UACA: variants seen among roughly 807,000 people sequenced by gnomAD.
The protein encoded by UACA is nuclear membrane binding protein.
UACA carries 112 observed loss-of-function variants against 160.5 expected under a neutral mutation model. The observed-to-expected ratio is 0.70, with a 90% CI of 0.60 to 0.82. The LOEUF is 0.82. UACA is among the 40% of genes least tolerant of loss of function. The pLI, the probability that UACA is intolerant of heterozygous loss-of-function variation, is 0.00. For synonymous variants in UACA, 557 were observed against 568.4 expected (o/e 0.98, Z 0.29); for missense variants, 1,574 against 1,614.6 (o/e 0.97, Z 0.43).
chr15:70,666,586 G>C, intron 16 of UACA, 138 bp downstream of exon 16: 2 of 675,066 alleles, frequency 3.0e-6, no homozygotes, highest in East Asian at 6.5e-5. Flanking sequence ...TTTCAATTCG[G>C]AATTTTTGCA....
intron 1 of UACA, among the ~76,000 whole-genome samples, chr15:70,747,241 G>GTTTTTTTTTTTTTTT (rs549683234): frequency 2.5e-5 from 3 of 119,256 alleles, no homozygotes; most frequent in African/African-American, 3.3e-5. Context: ...TGTTTTTTGG[G>GTTTTTTTTTTTTTTT]TTTTTTTTTT....
In UACA at chr15:70,687,657, G is replaced by C; in HGVS notation, c.496-11C>G. ...TGGTGTCCGCCCGTCCTAAGCAACA[G>C]GAAAAATAAAACAGCATTAAGACAA... is the stretch of plus-strand genomic sequence containing the variant. On this transcript the variant is annotated splice_polypyrimidine_tract_variant and intron_variant, in intron 6 of 18. Coordinates refer to ENST00000322954, the MANE Select transcript of UACA (RefSeq NM_018003.4). 2 of 1,613,588 alleles carry C rather than the reference G, an allele frequency of 1.2e-6. No individual in the cohort carries two copies. Among genetic ancestry groups the C allele is most frequent in the Non-Finnish European group, 1.7e-6 (2 of 1,179,718 alleles).
Position 70,667,538 on chromosome 15 carries a change from A to T in UACA, c.3146T>A (p.Val1049Asp), listed in dbSNP as rs1462217381. 1.9e-6 allele frequency: 3 copies of T among 1,612,976 alleles called. No individual in the cohort carries two copies. Among genetic ancestry groups the T allele is most frequent in the Non-Finnish European group, 8.5e-7 (1 of 1,179,960 alleles). The change falls in exon 16 of 19, where the codon GTT (valine) becomes GAT (aspartate). Residue 1049 changes from valine (V) to aspartate (D), a missense_variant. Coordinates refer to ENST00000322954, the MANE Select transcript of UACA (RefSeq NM_018003.4). Reference sequence around the variant, plus strand: ...CATTTCATGAGACTTCTCAATGAGAACTGTCTTATCTCTCAAATCTTTCTG... The same window carrying T: ...CATTTCATGAGACTTCTCAATGAGATCTGTCTTATCTCTCAAATCTTTCTG... Reference protein sequence around the residue: ...TLQKDLRDKTVLIEKSHEMER... With the variant: ...TLQKDLRDKTDLIEKSHEMER...
chr15:70,778,291 T>C, the UACA span, among the ~76,000 whole-genome samples: 1 of 152,248 alleles, frequency 6.6e-6, no homozygotes, highest in Admixed American at 6.5e-5. Flanking sequence ...TTTTGTATCA[T>C]AGCTGCAGCA....
chr15:70,667,234 G>A lies in UACA; in HGVS notation c.3450C>T (p.Thr1150=), dbSNP rs753457065. ...GATTCTCCAACAATTGATGCAGTTT[G>A]GTCACTGTCTGCTGCTCTTTCTCGT... ...RCYEKEQQTV[T]KLHQLLENQK... Residue 1150 remains threonine (T), a synonymous_variant, in exon 16 of 19, where the codon ACC becomes ACT. Transcript: ENST00000322954. The A allele has an allele frequency of 6.2e-7, 1 of 1,613,838 alleles. No homozygotes were observed. The highest frequency in any genetic ancestry group is 8.5e-7 in the Non-Finnish European group (1 of 1,179,938).
chr15:70,699,730 AAGAG>A lies in UACA; in HGVS notation c.79-74_79-71del, dbSNP rs982250752. On this transcript the variant is annotated intron_variant, in intron 1 of 18. Transcript: ENST00000322954. ...TTAAGATTTTTCTAAAGAAAGAAAA[AAGAG>A]AGAAAGGAAAGCAGTACTGCATAAT... is the stretch of plus-strand genomic sequence containing the variant. The A allele has an allele frequency of 3.6e-4, 556 of 1,554,950 alleles. 11 individuals carry two copies. In the Middle Eastern group the frequency reaches 0.012, roughly 33 times the overall value.
intron 1 of UACA, among the ~76,000 whole-genome samples, chr15:70,705,704 A>T (rs1335142929): frequency 6.6e-6 from 1 of 152,156 alleles, no homozygotes; most frequent in Non-Finnish European, 1.5e-5. Context: ...TTTCTTAAAC[A>T]AAATACGGCA....
the UACA span, among the ~76,000 whole-genome samples, chr15:70,769,204 A>G: frequency 6.6e-6 from 1 of 151,912 alleles, no homozygotes; most frequent in Non-Finnish European, 1.5e-5. Context: ...TAAAAATACA[A>G]AAAATTAGCC....
chr15:70,727,034 T>C (rs978067415), intron 1 of UACA, among the ~76,000 whole-genome samples: 1 of 152,210 alleles, frequency 6.6e-6, no homozygotes, highest in Non-Finnish European at 1.5e-5. Flanking sequence ...CATTCTTTTT[T>C]GCCTTCATCT....
At chr15:70,740,920 C>A (rs1296985969) in intron 1 of UACA, among the ~76,000 whole-genome samples, 1 of 150,532 alleles carries the variant, frequency 6.6e-6, no homozygotes, top group Non-Finnish European at 1.5e-5. Context: ...GCGCCTGTAG[C>A]CCCAGCTACT....
the UACA span, among the ~76,000 whole-genome samples, chr15:70,769,338 C>CAAAAAAAA: frequency 1.3e-5 from 1 of 77,722 alleles, no homozygotes; most frequent in African/African-American, 6.0e-5. Context: ...GACTCCGACT[C>CAAAAAAAA]AAAAAAAAAA....
rs1396531642 is a variant in UACA, at chr15:70,657,055, G to A, written c.*1C>T. On this transcript the variant is annotated 3_prime_UTR_variant, in exon 19 of 19. Transcript: ENST00000322954. ...CAGATACTGGCAGTCAGTGCTAACG[G>A]CTAGCACACAAGCCCCTGCCGCATT... 2 of 1,613,040 alleles carry A rather than the reference G, an allele frequency of 1.2e-6. No homozygotes were observed.
intron 1 of UACA, among the ~76,000 whole-genome samples, chr15:70,715,709 C>T (rs979855078): frequency 7.2e-5 from 11 of 152,096 alleles, no homozygotes; most frequent in Non-Finnish European, 1.6e-4. Context: ...GATTTCCTTC[C>T]AGTGAGTCTT....
chr15:70,761,542 G>A (rs1466116741), intron 1 of UACA, among the ~76,000 whole-genome samples: 2 of 152,070 alleles, frequency 1.3e-5, no homozygotes, highest in African/African-American at 4.8e-5. Flanking sequence ...GCTTGGTTTG[G>A]TTTTATTCAT....
At chr15:70,657,222 T>C (rs1896504405) in intron 18 of UACA, 95 bp from the exon 19 acceptor site, 12 of 949,704 alleles carry the variant, frequency 1.3e-5, no homozygotes, top group East Asian at 7.3e-5. Context: ...TAACTAGTCA[T>C]TGATTCATCA....
intron 1 of UACA, among the ~76,000 whole-genome samples, chr15:70,735,819 G>C (rs1566994430): frequency 6.6e-6 from 1 of 151,882 alleles, no homozygotes; most frequent in Non-Finnish European, 1.5e-5. Flanking sequence ...GGGACTACAG[G>C]TGTAAGACAC....
chr15:70,706,539 T>C (rs1319356700), intron 1 of UACA, among the ~76,000 whole-genome samples: 2 of 142,038 alleles, frequency 1.4e-5, no homozygotes, highest in South Asian at 2.2e-4. Context: ...AAAAAAAAAC[T>C]CTAAAGATTA....
At position 70,656,881 on chromosome 15, in the gene UACA, G is replaced by A. The variant is rs974792883; in HGVS notation, c.*175C>T. On this transcript the variant is annotated 3_prime_UTR_variant, in exon 19 of 19. Coordinates refer to ENST00000322954, the MANE Select transcript of UACA (RefSeq NM_018003.4). ...ACATACAGAAAATAAGATTCAAACT[G>A]ATATTGAAAAAGACTAACATATTCA... is the stretch of plus-strand genomic sequence containing the variant. 17 of 489,232 alleles carry A rather than the reference G, an allele frequency of 3.5e-5. No individual in the cohort carries two copies. Among genetic ancestry groups the A allele is most frequent in the Middle Eastern group, 3.4e-4 (1 of 2,948 alleles). 30.3% of individuals were successfully genotyped at this position (489,232 alleles called of 1,614,324 possible). A position where few individuals can be genotyped will look rare whatever the true frequency, so the allele number is the denominator to read the frequency against.
chr15:70,686,426 G>C (rs1468323855), intron 7 of UACA, among the ~76,000 whole-genome samples: 2 of 148,414 alleles, frequency 1.3e-5, no homozygotes, highest in African/African-American at 4.9e-5. Flanking sequence ...CTGGAGAATT[G>C]AAGTCAATAT....
Sources: gnomAD v4.1 joint callset for allele counts (sites outside exome capture counted in the v4.1 genomes callset) on GRCh38, gnomAD v4.1.1 for gene constraint, MANE v1.5 for transcripts, NCBI Gene and HGNC (gene_info 2026-07-23, HGNC 2026-07-21) for gene names.